MED12L: variants seen among roughly 807,000 people sequenced by gnomAD.
MED12L encodes mediator complex subunit 12L.
In MED12L, 60 loss-of-function variants were observed where a neutral mutation model predicts 281.3. That is an observed-to-expected ratio of 0.21 (90% CI 0.17 to 0.26). The LOEUF is 0.26. Among genes scored for constraint, MED12L ranks in the 10% least tolerant of loss-of-function variants. MED12L has a pLI of 1.00. For missense variants in MED12L, 2,146 were observed against 2,680.9 expected (o/e 0.80, Z 4.41); for synonymous variants, 974 against 987.2 (o/e 0.99, Z 0.25).
chr3:151,119,387 C>G (rs189797310), intron 3 of MED12L, among the ~76,000 whole-genome samples: 8 of 152,294 alleles, frequency 5.3e-5, no homozygotes, highest in African/African-American at 1.7e-4. Flanking sequence ...GTCAGCAGGT[C>G]TGGTGTCTCC....
chr3:151,125,344 G>A (rs1298433950), intron 4 of MED12L, among the ~76,000 whole-genome samples: 1 of 152,172 alleles, frequency 6.6e-6, no homozygotes. Context: ...TTCTCATGGG[G>A]TTCTGCTAGT....
chr3:151,429,361 G>GA (rs1318592692), intron 43 of MED12L, among the ~76,000 whole-genome samples: 4 of 152,214 alleles, frequency 2.6e-5, no homozygotes, highest in Admixed American at 6.5e-5. Flanking sequence ...AGCACACGGA[G>GA]AGTGGGCACA....
intron 16 of MED12L, among the ~76,000 whole-genome samples, chr3:151,225,970 C>T (rs1730415503): frequency 1.3e-5 from 2 of 152,164 alleles, no homozygotes. Context: ...CCTGATATTT[C>T]TTCCTTTGCC....
intron 16 of MED12L, chr3:151,316,930 A>G (rs1469491084): frequency 2.6e-5 from 4 of 152,174 alleles, no homozygotes; most frequent in African/African-American, 7.2e-5. Flanking sequence ...ATGGTGATTC[A>G]CCTGAAGGAA....
At chr3:151,350,341 A>AG in intron 17 of MED12L, 135 bp downstream of exon 17, 2 of 701,044 alleles carry the variant, frequency 2.9e-6, no homozygotes, top group African/African-American at 1.8e-5. Context: ...TTGAAATGTG[A>AG]ACAAGCACAT....
intron 16 of MED12L, among the ~76,000 whole-genome samples, chr3:151,207,089 C>A (rs936797299): frequency 1.3e-5 from 2 of 149,830 alleles, no homozygotes; most frequent in African/African-American, 4.9e-5. Flanking sequence ...TTACGTTGTC[C>A]AGGCTGGAGT....
chr3:151,141,016 C>G (rs1047252072), intron 5 of MED12L, among the ~76,000 whole-genome samples: 1 of 152,062 alleles, frequency 6.6e-6, no homozygotes, highest in African/African-American at 2.4e-5. Flanking sequence ...TACAGGCACC[C>G]GCCACGACGC....
intron 16 of MED12L, among the ~76,000 whole-genome samples, chr3:151,242,194 G>T (rs1466045383): frequency 6.6e-6 from 1 of 152,238 alleles, no homozygotes; most frequent in Non-Finnish European, 1.5e-5. Flanking sequence ...ACACGGCTGG[G>T]GGAGGGGCGC....
intron 16 of MED12L, chr3:151,338,823 G>C: frequency 6.2e-7 from 1 of 1,613,838 alleles, no homozygotes; most frequent in Non-Finnish European, 8.5e-7. Flanking sequence ...AGGCGCAGAG[G>C]TGAGGTTGTC....
At chr3:151,123,771 A>G (rs1714108071) in intron 4 of MED12L, among the ~76,000 whole-genome samples, 1 of 152,166 alleles carries the variant, frequency 6.6e-6, no homozygotes, top group Non-Finnish European at 1.5e-5. Flanking sequence ...CCAGCTTGGT[A>G]CAGGCCCAGT....
At chr3:151,393,223 G>A (rs1026418017) in intron 38 of MED12L, among the ~76,000 whole-genome samples, 3 of 152,106 alleles carry the variant, frequency 2.0e-5, no homozygotes, top group South Asian at 2.1e-4. Flanking sequence ...GGGGGCTTCC[G>A]TATTTAAAGG....
chr3:151,246,726 T>C (rs1391367446), intron 16 of MED12L, among the ~76,000 whole-genome samples: 7 of 152,116 alleles, frequency 4.6e-5, no homozygotes, highest in Admixed American at 1.3e-4. Context: ...ACTTCATGTC[T>C]AAAACACCAA....
intron 16 of MED12L, chr3:151,212,921 T>C (rs1234840516): frequency 6.5e-6 from 1 of 154,440 alleles, no homozygotes; most frequent in Non-Finnish European, 1.4e-5. Flanking sequence ...GATTCTGGTA[T>C]TTAGAGAAAG....
At position 151,190,808 on chromosome 3, in the gene MED12L, C is replaced by T. The variant is rs148374339; in HGVS notation, c.1845C>T (p.Asp615=). ...EFIRHDVFSH[D]AYMCTLISRG... is the part of the protein sequence containing the mutation. Reference sequence around the variant, plus strand: ...TCCGCCATGATGTCTTCTCCCATGACGCATACATGTGTACCCTCATATCTC... The same window carrying T: ...TCCGCCATGATGTCTTCTCCCATGATGCATACATGTGTACCCTCATATCTC... Residue 615 remains aspartate, a synonymous_variant, in exon 14 of 45, where the codon GAC becomes GAT. Coordinates refer to ENST00000687756, the MANE Select transcript of MED12L (RefSeq NM_001393769.1). The T allele has an allele frequency of 3.5e-5, 57 of 1,614,044 alleles. 1 individual carries two copies. The Middle Eastern group carries it at 1.2e-3, about 33-fold the overall frequency.
At chr3:151,392,309 C>CA (rs1260883055) in intron 38 of MED12L, among the ~76,000 whole-genome samples, 5 of 151,092 alleles carry the variant, frequency 3.3e-5, no homozygotes, top group African/African-American at 1.2e-4. Context: ...ACTAAAAATA[C>CA]AAAAAACAAA....
At position 151,181,576 on chromosome 3, in the gene MED12L, CTTTTT is replaced by C. The variant is rs57658133; in HGVS notation, c.1495-3731_1495-3727del. 3.2e-3 allele frequency among the ~76,000 whole-genome samples: 151 copies of C among 47,094 alleles called. 2 individuals are homozygous for C. Among genetic ancestry groups the C allele is most frequent in the African/African-American group, 0.01 (146 of 14,070 alleles). The allele number at this position is 47,094 out of a possible 152,430, so 30.9% of individuals were successfully genotyped here. The stretch of plus-strand genomic sequence containing the variant: ...CATGCCACTGTACTTAGCTCATTGT[CTTTTT>C]TTTTTTTTTTTTTTTTTTTTTTAAG... On this transcript the variant is annotated intron_variant, in intron 11 of 44. Transcript: ENST00000687756.
At chr3:151,254,663 A>G (rs777260928) in intron 16 of MED12L, among the ~76,000 whole-genome samples, 2 of 152,256 alleles carry the variant, frequency 1.3e-5, no homozygotes, top group Non-Finnish European at 2.9e-5. Context: ...GTCCAAGTGC[A>G]TGTTTATGCA....
chr3:151,428,790 G>A (rs1160192726), intron 43 of MED12L, among the ~76,000 whole-genome samples: 2 of 152,142 alleles, frequency 1.3e-5, no homozygotes, highest in Non-Finnish European at 2.9e-5. Flanking sequence ...TAACACTTTA[G>A]TGTATATCCC....
At chr3:151,324,857 CA>C (rs1283745689) in intron 16 of MED12L, among the ~76,000 whole-genome samples, 2 of 152,158 alleles carry the variant, frequency 1.3e-5, no homozygotes, top group African/African-American at 4.8e-5. Flanking sequence ...CTGGGTGCTT[CA>C]AATGATTTGT....
Sources: gnomAD v4.1 joint callset for allele counts (sites outside exome capture counted in the v4.1 genomes callset) on GRCh38, gnomAD v4.1.1 for gene constraint, MANE v1.5 for transcripts, NCBI Gene and HGNC (gene_info 2026-07-23, HGNC 2026-07-21) for gene names.